NINJ2: variants seen among roughly 807,000 people sequenced by gnomAD.
NINJ2 encodes the protein ninjurin 2, also known as ninjurin-2.
Under a neutral mutation model 11.7 loss-of-function variants are expected in NINJ2, and 12 were observed. The ratio of observed to expected loss-of-function variants is 1.02; its 90% CI spans 0.66 to 1.66. NINJ2 has a LOEUF of 1.66. Ranked by LOEUF, NINJ2 falls within the 40% of genes most tolerant of loss-of-function variation. The pLI is 0.00. For missense variants in NINJ2, 187 were observed against 181.8 expected (o/e 1.03, Z -0.16); for synonymous variants, 93 against 76.8 (o/e 1.21, Z -1.10).
chr12:572,300 C>T (rs180830903), intron 1 of NINJ2, among the ~76,000 whole-genome samples: 1 of 152,332 alleles, frequency 6.6e-6, no homozygotes, highest in East Asian at 1.9e-4. Flanking sequence ...GTGGGAGCTT[C>T]CTGTGTGCCA....
intron 1 of NINJ2, among the ~76,000 whole-genome samples, chr12:623,512 T>C (rs1361827571): frequency 2.6e-5 from 4 of 152,198 alleles, no homozygotes; most frequent in Non-Finnish European, 2.9e-5. Flanking sequence ...TTTCTCATCA[T>C]CCAAACTCCG....
chr12:631,011 G>C (rs918439075), intron 1 of NINJ2: 1 of 152,378 alleles, frequency 6.6e-6, no homozygotes, highest in African/African-American at 2.4e-5. Context: ...TTGGGATCTG[G>C]AGGGGAAGGA....
Position 585,050 on chromosome 12 carries a change from C to T in NINJ2, c.34-18872G>A, listed in dbSNP as rs1206455154. Among the ~76,000 whole-genome samples the T allele has an allele frequency of 1.3e-5, 2 of 152,112 alleles. No individual in the cohort carries two copies. Among genetic ancestry groups the T allele is most frequent in the African/African-American group, 2.4e-5 (1 of 41,414 alleles). On this transcript the variant is annotated intron_variant, in intron 1 of 3. Transcript: ENST00000305108. The surrounding 1 kb of genome is among the most constrained non-coding windows in gnomAD (Gnocchi z 4.1). ...AGGAGAATCACTTGAACCGGGGAGGCGGAGGTTGAAGTGGGCTGAGATCGC... is the reference window on the plus strand; with the variant it reads ...AGGAGAATCACTTGAACCGGGGAGGTGGAGGTTGAAGTGGGCTGAGATCGC...
At chr12:570,523 C>G (rs1272392568) in intron 1 of NINJ2, among the ~76,000 whole-genome samples, 1 of 152,222 alleles carries the variant, frequency 6.6e-6, no homozygotes, top group Non-Finnish European at 1.5e-5. Flanking sequence ...GGCCCCCGCT[C>G]CCGCTCAGAG....
intron 1 of NINJ2, among the ~76,000 whole-genome samples, chr12:626,349 T>G (rs1346594493): frequency 6.6e-6 from 1 of 152,212 alleles, no homozygotes; most frequent in African/African-American, 2.4e-5. Context: ...GAGGAGGTAG[T>G]GGGAGCTAAG....
intron 1 of NINJ2, among the ~76,000 whole-genome samples, chr12:601,602 G>C (rs561554834): frequency 1.3e-5 from 2 of 152,084 alleles, no homozygotes; most frequent in Non-Finnish European, 2.9e-5. Context: ...GGTGGCTCAC[G>C]CCTGTAATCC....
chr12:580,661 C>G lies in NINJ2; in HGVS notation c.34-14483G>C, dbSNP rs1348246946. 2.0e-5 allele frequency among the ~76,000 whole-genome samples: 3 copies of G among 152,164 alleles called. No homozygotes were observed. Among genetic ancestry groups the G allele is most frequent in the Admixed American group, 2.0e-4 (3 of 15,272 alleles). On this transcript the variant is annotated intron_variant, in intron 1 of 3. Coordinates refer to ENST00000305108, the MANE Select transcript of NINJ2 (RefSeq NM_016533.6). The surrounding 1 kb of genome is among the most constrained non-coding windows in gnomAD (Gnocchi z 4.7). ...TTCAGAAGAGACTTCAAAGGCAGGACCAGGGTGAGCTGAACTCCATGAACC... is the reference window on the plus strand; with the variant it reads ...TTCAGAAGAGACTTCAAAGGCAGGAGCAGGGTGAGCTGAACTCCATGAACC...
chr12:578,340 G>A (rs957861668), intron 1 of NINJ2, among the ~76,000 whole-genome samples: 17 of 152,122 alleles, frequency 1.1e-4, no homozygotes, highest in African/African-American at 4.1e-4. Context: ...GGTGTTGTCT[G>A]CGGCTTGCCC....
intron 1 of NINJ2, among the ~76,000 whole-genome samples, chr12:625,563 C>T (rs1354914273): frequency 6.6e-6 from 1 of 151,380 alleles, no homozygotes; most frequent in East Asian, 1.9e-4. Context: ...GGAACATCTA[C>T]AGGAGCCTTT....
chr12:605,003 G>A lies in NINJ2; in HGVS notation c.34-38825C>T, dbSNP rs73596255. 9.0e-3 allele frequency among the ~76,000 whole-genome samples: 1,364 copies of A among 152,302 alleles called. 20 individuals are homozygous for A. The highest frequency in any genetic ancestry group is 0.031 in the African/African-American group (1,297 of 41,574). On this transcript the variant is annotated intron_variant, in intron 1 of 3. Transcript: ENST00000305108. ...AAGAATATGTGTTTAGGATTTTCAC[G>A]GAAATTTGACGTTGCCTCAGCACTC...
chr12:660,855 G>A (rs1420638872), intron 1 of NINJ2, among the ~76,000 whole-genome samples: 3 of 152,070 alleles, frequency 2.0e-5, no homozygotes, highest in Admixed American at 2.0e-4. Context: ...CAGCTACTTG[G>A]GAAGCTGAGG....
chr12:656,085 C>T (rs1937868400), intron 1 of NINJ2, among the ~76,000 whole-genome samples: 1 of 151,898 alleles, frequency 6.6e-6, no homozygotes, highest in Non-Finnish European at 1.5e-5. Flanking sequence ...AAAAGACCCG[C>T]AGGGCGTAGT....
At chr12:627,369 G>A (rs1181728942) in intron 1 of NINJ2, among the ~76,000 whole-genome samples, 1 of 152,162 alleles carries the variant, frequency 6.6e-6, no homozygotes. Flanking sequence ...TATTTTTTGA[G>A]AATATAATTA....
intron 1 of NINJ2, among the ~76,000 whole-genome samples, chr12:622,361 G>T (rs1292052366): frequency 1.7e-5 from 2 of 119,868 alleles, no homozygotes; most frequent in Non-Finnish European, 1.6e-5. Flanking sequence ...TGTGAGCTGA[G>T]ATCACGCCAC....
At position 640,546 on chromosome 12, in the gene NINJ2, A is replaced by G. The variant is rs1948405628; in HGVS notation, c.33+22782T>C. 6.6e-6 allele frequency among the ~76,000 whole-genome samples: 1 copy of G among 151,802 alleles called. No homozygotes were observed. The highest frequency in any genetic ancestry group is 6.6e-5 in the Admixed American group (1 of 15,236). On this transcript the variant is annotated intron_variant, in intron 1 of 3. Transcript: ENST00000305108. The surrounding 1 kb of genome is among the most constrained non-coding windows in gnomAD (Gnocchi z 4.0). The stretch of plus-strand genomic sequence containing the variant: ...TATTTTATTTTGTTTTATTTTTGAG[A>G]CTGAGTCTTGCCCTGTCACCCAGGC...
chr12:573,401 A>G (rs1329459952), intron 1 of NINJ2, among the ~76,000 whole-genome samples: 1 of 152,112 alleles, frequency 6.6e-6, no homozygotes, highest in African/African-American at 2.4e-5. Flanking sequence ...CAAGGAGTTT[A>G]AGATTGAAAG....
chr12:588,185 C>CGGAAGGGAGGGAAGGGACGGAAGGGAG lies in NINJ2; in HGVS notation c.34-22008_34-22007insCTCCCTTCCGTCCCTTCCCTCCCTTCC, dbSNP rs74475206. On this transcript the variant is annotated intron_variant, in intron 1 of 3. Coordinates refer to ENST00000305108, the MANE Select transcript of NINJ2 (RefSeq NM_016533.6). Reference sequence around the variant, plus strand: ...GAAGGGACGGAAGGGACGGAAGGGACGGAAGGGACGGAGGGGACGGAAGGG... The same window carrying CGGAAGGGAGGGAAGGGACGGAAGGGAG: ...GAAGGGACGGAAGGGACGGAAGGGACGGAAGGGAGGGAAGGGACGGAAGGGAGGGAAGGGACGGAGGGGACGGAAGGG... Among the ~76,000 whole-genome samples the CGGAAGGGAGGGAAGGGACGGAAGGGAG allele has an allele frequency of 2.8e-3, 384 of 138,792 alleles. 2 individuals are homozygous for CGGAAGGGAGGGAAGGGACGGAAGGGAG. Among genetic ancestry groups the CGGAAGGGAGGGAAGGGACGGAAGGGAG allele is most frequent in the Non-Finnish European group, 5.2e-3 (332 of 63,542 alleles). 91.1% of individuals were successfully genotyped at this position (138,792 alleles called of 152,430 possible).
At chr12:597,507 A>G (rs1467112311) in intron 1 of NINJ2, among the ~76,000 whole-genome samples, 3 of 152,250 alleles carry the variant, frequency 2.0e-5, no homozygotes, top group African/African-American at 7.2e-5. Context: ...CTTAAAGATT[A>G]TAAGGAACAA....
intron 1 of NINJ2, among the ~76,000 whole-genome samples, chr12:627,441 G>A (rs1171112504): frequency 1.3e-5 from 2 of 152,220 alleles, no homozygotes; most frequent in East Asian, 1.9e-4. Context: ...ACTTAGGACA[G>A]TAAGACTGAT....
Sources: gnomAD v4.1 joint callset for allele counts (sites outside exome capture counted in the v4.1 genomes callset) on GRCh38, gnomAD v4.1.1 for gene constraint, Gnocchi (gnomAD v3.1) non-coding constraint, MANE v1.5 for transcripts, NCBI Gene and HGNC (gene_info 2026-07-23, HGNC 2026-07-21) for gene names.